TMPRSS13: variants seen among roughly 807,000 people sequenced by gnomAD.
TMPRSS13 encodes the protein transmembrane serine protease 13.
TMPRSS13 carries 50 observed loss-of-function variants against 68.4 expected under a neutral mutation model. The observed-to-expected ratio is 0.73, with a 90% CI of 0.58 to 0.93. The LOEUF is 0.93. TMPRSS13 is among the 40% of genes least tolerant of loss of function. TMPRSS13 has a pLI of 0.00. For synonymous variants in TMPRSS13, 267 were observed against 285.8 expected (o/e 0.93, Z 0.66); for missense variants, 615 against 729.2 (o/e 0.84, Z 1.80).
intron 1 of TMPRSS13, among the ~76,000 whole-genome samples, chr11:117,926,290 A>G (rs72488008): frequency 0.075 from 11,369 of 151,182 alleles, 589 homozygotes; most frequent in East Asian, 0.19. Flanking sequence ...ACACACCTGC[A>G]GGGGCATAGG....
At chr11:117,929,032 C>T (rs781293963) in intron 1 of TMPRSS13, among the ~76,000 whole-genome samples, 39 of 152,218 alleles carry the variant, frequency 2.6e-4, no homozygotes, top group Non-Finnish European at 5.4e-4. Context: ...AAACCCACGA[C>T]TCAGCCACAT....
chr11:117,918,932 G>A, intron 1 of TMPRSS13, 94 bp from the exon 2 acceptor site: 1 of 1,534,136 alleles, frequency 6.5e-7, no homozygotes, highest in South Asian at 1.2e-5. Flanking sequence ...ATGCTCTGGG[G>A]CAGCAGCTAG....
intron 9 of TMPRSS13, chr11:117,907,664 C>T (rs544616668): frequency 3.3e-6 from 1 of 305,476 alleles, no homozygotes; most frequent in Admixed American, 6.5e-5. Flanking sequence ...CTGTCTTCTC[C>T]AATCTTTTCG....
chr11:117,917,290 C>T lies in TMPRSS13; in HGVS notation c.452-16G>A, dbSNP rs1016365558. The T allele has an allele frequency of 1.4e-5, 22 of 1,602,072 alleles. No individual in the cohort carries two copies. The highest frequency in any genetic ancestry group is 1.7e-5 in the Non-Finnish European group (20 of 1,173,546). ...AGGCTCGTACCTAGGAGCAGGGCGG[C>T]AGCAGGGGAATATGAGGCTGGAGAG... On this transcript the variant is annotated splice_polypyrimidine_tract_variant and intron_variant, in intron 2 of 12. Transcript: ENST00000524993.
chr11:117,911,776 G>A lies in TMPRSS13; in HGVS notation c.894C>T (p.Ser298=). Residue 298 remains serine (S), a synonymous_variant, in exon 6 of 13, where the codon AGC becomes AGT. Coordinates refer to ENST00000524993, the MANE Select transcript of TMPRSS13 (RefSeq NM_001077263.3). The part of the protein sequence containing the change: ...ILRYNSTIQE[S]LHRSECPSQR... ...TGCCTGCCCCACCATACCTGTGGAG[G>A]CTTTCCTGGATGGTGGAGTTGTATC... is the stretch of plus-strand genomic sequence containing the variant. 1 of 1,613,860 alleles carries A rather than the reference G, an allele frequency of 6.2e-7. No homozygotes were observed. Among genetic ancestry groups the A allele is most frequent in the South Asian group, 1.1e-5 (1 of 91,062 alleles).
intron 1 of TMPRSS13, among the ~76,000 whole-genome samples, chr11:117,927,040 T>C (rs927575757): frequency 1.3e-5 from 2 of 152,236 alleles, no homozygotes; most frequent in African/African-American, 2.4e-5. Context: ...CTGTACATAA[T>C]GAACTATAAC....
At chr11:117,921,569 G>A (rs925897769) in intron 1 of TMPRSS13, among the ~76,000 whole-genome samples, 15 of 152,208 alleles carry the variant, frequency 9.9e-5, no homozygotes, top group African/African-American at 2.9e-4. Context: ...GGGGAAAGCT[G>A]TAAAGCTGGA....
chr11:117,904,684 C>T (rs1278467052), intron 10 of TMPRSS13, among the ~76,000 whole-genome samples: 1 of 151,736 alleles, frequency 6.6e-6, no homozygotes, highest in Non-Finnish European at 1.5e-5. Flanking sequence ...TAAGCAATCT[C>T]ACAGGACAAG....
intron 6 of TMPRSS13, 30 bp downstream of exon 6, chr11:117,911,738 C>T (rs1338711917): frequency 8.8e-6 from 14 of 1,596,056 alleles, no homozygotes; most frequent in Non-Finnish European, 1.2e-5. Context: ...CCCCTGCTCA[C>T]AAACAGGCAG....
At chr11:117,907,318 T>G (rs1234413734) in intron 9 of TMPRSS13, 1 of 152,292 alleles carries the variant, frequency 6.6e-6, no homozygotes, top group Admixed American at 6.5e-5. Context: ...GGTGGGCGTG[T>G]CGTGTCGTGT....
At chr11:117,904,436 T>A (rs1404841806) in intron 10 of TMPRSS13, among the ~76,000 whole-genome samples, 1 of 152,204 alleles carries the variant, frequency 6.6e-6, no homozygotes, top group Non-Finnish European at 1.5e-5. Flanking sequence ...TGGCTTTGTT[T>A]GTTTTTGGAA....
chr11:117,918,358 C>T (rs2134909084), intron 2 of TMPRSS13, 51 bp downstream of exon 2: 1 of 1,587,614 alleles, frequency 6.3e-7, no homozygotes, highest in Non-Finnish European at 8.6e-7. Context: ...TTCCTCCCTG[C>T]CCATGGGCTG....
At chr11:117,926,013 A>T (rs1220365138) in intron 1 of TMPRSS13, among the ~76,000 whole-genome samples, 2 of 151,876 alleles carry the variant, frequency 1.3e-5, no homozygotes, top group African/African-American at 4.8e-5. Context: ...GGCACAGGGC[A>T]GGTACCAGGG....
rs1212770309 is a variant in TMPRSS13 at position 117,929,282 on chromosome 11, C to T, written c.21+5G>A. 3 of 1,604,630 alleles carry T rather than the reference C, an allele frequency of 1.9e-6. No homozygotes were observed. The highest frequency in any genetic ancestry group is 2.6e-6 in the Non-Finnish European group (3 of 1,175,980). On this transcript the variant is annotated splice_donor_5th_base_variant and intron_variant, in intron 1 of 12. Coordinates refer to ENST00000524993, the MANE Select transcript of TMPRSS13 (RefSeq NM_001077263.3). ...ATCTGGCCCGAGGCCTGAGGTCACA[C>T]TCACCCCGTGGCTGTCCCTCTCCAT...
In TMPRSS13 at chr11:117,914,365, G is replaced by A. The variant is rs141857366; in HGVS notation, c.679+27C>T. 4.4e-5 allele frequency: 71 copies of A among 1,611,354 alleles called. 1 individual carries two copies. Among genetic ancestry groups the A allele is most frequent in the East Asian group, 8.9e-5 (4 of 44,848 alleles). ...CAAACACATGCACATGCACACGCAC[G>A]CGCTCCCCCGCACCCAGCCTCCTTA... On this transcript the variant is annotated intron_variant, in intron 4 of 12. Transcript: ENST00000524993. The surrounding 1 kb of genome is among the most constrained non-coding windows in gnomAD (Gnocchi z 4.2).
intron 1 of TMPRSS13, among the ~76,000 whole-genome samples, chr11:117,925,948 C>T (rs2057701213): frequency 6.6e-6 from 1 of 152,262 alleles, no homozygotes. Context: ...GAAGTCTGCT[C>T]CTCACCAATG....
chr11:117,914,263 A>G lies in TMPRSS13; in HGVS notation c.679+129T>C, dbSNP rs924262749. 32 of 1,276,376 alleles carry G rather than the reference A, an allele frequency of 2.5e-5. No homozygotes were observed. In the Admixed American group the frequency reaches 5.6e-4, roughly 22 times the overall value. The allele number at this position is 1,276,376 out of a possible 1,614,324, so 79.1% of individuals were successfully genotyped here. On this transcript the variant is annotated intron_variant, in intron 4 of 12. Coordinates refer to ENST00000524993, the MANE Select transcript of TMPRSS13 (RefSeq NM_001077263.3). This position sits in a 1 kb window ranked among gnomAD's most constrained non-coding sequence, Gnocchi z 4.2. Reference sequence around the variant, plus strand: ...CACACATACATGCATACACACAAACATGCACATACACACACATGCACGCAC... The same window carrying G: ...CACACATACATGCATACACACAAACGTGCACATACACACACATGCACGCAC...
intron 3 of TMPRSS13, among the ~76,000 whole-genome samples, chr11:117,916,264 G>A (rs1335495799): frequency 2.0e-5 from 3 of 152,194 alleles, no homozygotes; most frequent in African/African-American, 2.4e-5. Flanking sequence ...TTGGTTAGGC[G>A]GGTCCCTTCC....
intron 1 of TMPRSS13, among the ~76,000 whole-genome samples, chr11:117,928,266 AT>A (rs1375507797): frequency 6.6e-6 from 1 of 152,230 alleles, no homozygotes; most frequent in Non-Finnish European, 1.5e-5. Flanking sequence ...AGGTAGAGAC[AT>A]GAACGAAGGA....
Sources: allele counts gnomAD v4.1 joint callset (sites outside exome capture counted in the v4.1 genomes callset), GRCh38; gene constraint gnomAD v4.1.1; non-coding constraint Gnocchi (gnomAD v3.1); transcripts MANE v1.5; gene names NCBI Gene and HGNC (gene_info 2026-07-23, HGNC 2026-07-21).